Variants in RASGRF1 observed in about 807,000 individuals in gnomAD.
The protein encoded by RASGRF1 is ras-specific guanine nucleotide-releasing factor 1.
In RASGRF1, 40 loss-of-function variants were observed where a neutral mutation model predicts 138.7. The observed-to-expected ratio is 0.29, with a 90% CI of 0.22 to 0.38. The LOEUF is 0.38. RASGRF1 is among the 10% of genes least tolerant of loss of function. The probability of loss-of-function intolerance (pLI) is 1.00; values close to 1 mark genes in which losing one functional copy is unlikely to be tolerated. For synonymous variants in RASGRF1, 614 were observed against 663.2 expected (o/e 0.93, Z 1.14); for missense variants, 1,108 against 1,650.4 (o/e 0.67, Z 5.69).
At chr15:79,017,410 C>T (rs1240290671) in intron 12 of RASGRF1, among the ~76,000 whole-genome samples, 3 of 152,168 alleles carry the variant, frequency 2.0e-5, no homozygotes, top group Non-Finnish European at 4.4e-5. Flanking sequence ...GGGGCATGTA[C>T]TAAAATGCGG....
At chr15:79,053,372 G>A (rs1317086035) in intron 3 of RASGRF1, among the ~76,000 whole-genome samples, 5 of 152,190 alleles carry the variant, frequency 3.3e-5, no homozygotes, top group Non-Finnish European at 5.9e-5. Context: ...GTGTGTTCCC[G>A]TTCCAATAAA....
At chr15:78,998,267 T>TCTGGC in intron 18 of RASGRF1, 59 bp from the exon 19 acceptor site, 1 of 1,399,898 alleles carries the variant, frequency 7.1e-7, no homozygotes, top group South Asian at 1.2e-5. Context: ...TCTGCAGTGG[T>TCTGGC]CTGGGCCCAG....
intron 22 of RASGRF1, among the ~76,000 whole-genome samples, chr15:78,986,453 T>A (rs2141643901): frequency 6.6e-6 from 1 of 152,050 alleles, no homozygotes; most frequent in East Asian, 1.9e-4. Flanking sequence ...TTCAAGCGAT[T>A]CTCCTACCAC....
intron 3 of RASGRF1, among the ~76,000 whole-genome samples, chr15:79,055,668 C>A (rs2057501554): frequency 6.6e-6 from 1 of 152,098 alleles, no homozygotes; most frequent in Non-Finnish European, 1.5e-5. Flanking sequence ...GCACCTACAC[C>A]CCTTCTCTGA....
intron 23 of RASGRF1, among the ~76,000 whole-genome samples, chr15:78,982,773 C>T (rs762704554): frequency 1.3e-5 from 2 of 152,046 alleles, no homozygotes; most frequent in African/African-American, 4.8e-5. Flanking sequence ...TTAGCCAAGG[C>T]GAGGCTTTTG....
intron 10 of RASGRF1, among the ~76,000 whole-genome samples, chr15:79,024,555 G>T (rs1012280924): frequency 2.0e-5 from 3 of 152,180 alleles, no homozygotes; most frequent in African/African-American, 7.2e-5. Flanking sequence ...TCATGGGAGG[G>T]ACCCAGTGGG....
chr15:78,986,668 T>A (rs186848190), intron 22 of RASGRF1, among the ~76,000 whole-genome samples: 1 of 151,886 alleles, frequency 6.6e-6, no homozygotes, highest in East Asian at 1.9e-4. Flanking sequence ...TTAATTATTT[T>A]AAAATAAAAA....
At chr15:78,968,601 T>TA (rs1567418251) in intron 26 of RASGRF1, among the ~76,000 whole-genome samples, 20 of 151,494 alleles carry the variant, frequency 1.3e-4, no homozygotes, top group African/African-American at 3.2e-4. Flanking sequence ...ATATATATAT[T>TA]TTTAATTGAA....
intron 26 of RASGRF1, among the ~76,000 whole-genome samples, chr15:78,966,975 T>C (rs1277204928): frequency 6.6e-6 from 1 of 152,182 alleles, no homozygotes; most frequent in East Asian, 1.9e-4. Context: ...AAATATCTTA[T>C]TATAGTTAAT....
intron 13 of RASGRF1, among the ~76,000 whole-genome samples, chr15:79,014,236 C>T (rs1054666381): frequency 1.3e-5 from 2 of 152,162 alleles, no homozygotes; most frequent in African/African-American, 4.8e-5. Flanking sequence ...CCAGCAACCC[C>T]ACTACTGGGT....
intron 3 of RASGRF1, among the ~76,000 whole-genome samples, chr15:79,057,187 C>A (rs1011926338): frequency 6.6e-6 from 1 of 152,138 alleles, no homozygotes; most frequent in African/African-American, 2.4e-5. Flanking sequence ...CCAGTGTGCG[C>A]CCCATGGTGT....
At chr15:79,072,169 A>AAC (rs1302600433) in intron 1 of RASGRF1, among the ~76,000 whole-genome samples, 1 of 151,406 alleles carries the variant, frequency 6.6e-6, no homozygotes, top group Non-Finnish European at 1.5e-5. Flanking sequence ...AGCTGGAGAG[A>AAC]ACTGAGGAGC....
At chr15:79,026,322 CCCTT>C (rs763302187) in intron 9 of RASGRF1, among the ~76,000 whole-genome samples, 3 of 152,192 alleles carry the variant, frequency 2.0e-5, no homozygotes, top group Non-Finnish European at 4.4e-5. Context: ...TTCTGAAAAG[CCCTT>C]CCTTCACTCT....
At chr15:78,983,966 GA>G (rs2056092958) in intron 23 of RASGRF1, among the ~76,000 whole-genome samples, 1 of 152,248 alleles carries the variant, frequency 6.6e-6, no homozygotes, top group African/African-American at 2.4e-5. Flanking sequence ...GGAGTGACCA[GA>G]AGGTGAGGGA....
chr15:79,082,143 G>C (rs1195738940), intron 1 of RASGRF1, among the ~76,000 whole-genome samples: 3 of 152,220 alleles, frequency 2.0e-5, no homozygotes, highest in Non-Finnish European at 4.4e-5. Flanking sequence ...AGAGAGGCCA[G>C]TGGACTGGGG....
Position 79,090,274 on chromosome 15 carries a change from G to A in RASGRF1, c.225C>T (p.Arg75=), listed in dbSNP as rs146718030. Residue 75 remains arginine (R), a synonymous_variant, in exon 1 of 27, where the codon CGC becomes CGT. Transcript: ENST00000558480. The part of the protein sequence containing the change: ...LYLLEGCVCD[R]APSPKPALSA... ...ACAGCGCCGGCTTGGGGGAGGGCGC[G>A]CGGTCGCAGACGCAGCCCTCCAGCA... The A allele has an allele frequency of 9.9e-6, 16 of 1,611,446 alleles. 1 individual carries two copies. In the South Asian group the frequency reaches 1.8e-4, roughly 18 times the overall value.
At chr15:78,987,900 C>A (rs1028449770) in intron 22 of RASGRF1, among the ~76,000 whole-genome samples, 1 of 152,098 alleles carries the variant, frequency 6.6e-6, no homozygotes, top group Non-Finnish European at 1.5e-5. Context: ...TACACCAGTA[C>A]CCCAGCTTGG....
Position 78,985,292 on chromosome 15 carries a change from G to C in RASGRF1, c.3217-88C>G, listed in dbSNP as rs908065950. ...TCACTATTTGCAGATATGATTGCCT[G>C]CTTGAAAATACAAGAAGGAATTGGA... On this transcript the variant is annotated intron_variant, in intron 22 of 26. Transcript: ENST00000558480. The C allele has an allele frequency of 1.1e-5, 14 of 1,303,386 alleles. No individual in the cohort carries two copies. In the Admixed American group the frequency reaches 2.7e-4, roughly 25 times the overall value. The allele number at this position is 1,303,386 out of a possible 1,614,324, so 80.7% of individuals were successfully genotyped here. A position where few individuals can be genotyped will look rare whatever the true frequency, so the allele number is the denominator to read the frequency against.
intron 26 of RASGRF1, among the ~76,000 whole-genome samples, chr15:78,971,501 G>C (rs1340556307): frequency 6.6e-6 from 1 of 152,350 alleles, no homozygotes; most frequent in South Asian, 2.1e-4. Context: ...CTTTGGAAGG[G>C]GAACTAGGTG....
Sources: allele counts gnomAD v4.1 joint callset (sites outside exome capture counted in the v4.1 genomes callset), GRCh38; gene constraint gnomAD v4.1.1; transcripts MANE v1.5; gene names NCBI Gene and HGNC (gene_info 2026-07-23, HGNC 2026-07-21).